The following OTOA variants were observed in gnomAD, a reference collection of about 807,000 sequenced individuals.
OTOA encodes otoancorin, also known as cancer/testis antigen 108.
OTOA carries 70 observed loss-of-function variants against 110.8 expected under a neutral mutation model. The observed-to-expected ratio is 0.63, with a 90% CI of 0.52 to 0.77. The LOEUF is 0.77. OTOA is among the 30% of genes least tolerant of loss of function. The pLI is 0.00. For missense variants in OTOA, 917 were observed against 1,075.8 expected (o/e 0.85, Z 2.06); for synonymous variants, 373 against 431.5 (o/e 0.86, Z 1.68).
chr16:21,743,178 CTT>C (rs1899536595), intron 23 of OTOA, among the ~76,000 whole-genome samples: 1 of 142,314 alleles, frequency 7.0e-6, no homozygotes, highest in South Asian at 2.6e-4. Flanking sequence ...TTACATAGCA[CTT>C]ATATTGCATC....
chr16:21,681,380 C>A (rs566930128), intron 5 of OTOA, among the ~76,000 whole-genome samples: 2 of 151,976 alleles, frequency 1.3e-5, no homozygotes, highest in South Asian at 4.2e-4. Context: ...TGCTTGAGCC[C>A]AGGAGTTTGA....
At chr16:21,670,594 C>T (rs1966847748) in intron 1 of OTOA, among the ~76,000 whole-genome samples, 1 of 152,168 alleles carries the variant, frequency 6.6e-6, no homozygotes, top group Non-Finnish European at 1.5e-5. Flanking sequence ...CTGCCTGGTT[C>T]ATTCCAACAC....
chr16:21,678,512 A>C lies in OTOA; in HGVS notation c.-3A>C. 1 of 1,611,768 alleles carries C rather than the reference A, an allele frequency of 6.2e-7. No individual in the cohort carries two copies. ...CTTCTATGCTTAAATTAACTACAGG[A>C]GAATGTCTCAGGAACCTACGACATA... On this transcript the variant is annotated splice_region_variant and 5_prime_UTR_variant, in exon 2 of 29. Coordinates refer to ENST00000646100, the MANE Select transcript of OTOA (RefSeq NM_144672.4).
intron 18 of OTOA, among the ~76,000 whole-genome samples, chr16:21,725,602 G>A (rs1898888631): frequency 6.6e-6 from 1 of 152,054 alleles, no homozygotes; most frequent in Non-Finnish European, 1.5e-5. Context: ...GAACAGATTG[G>A]GATAATGCTA....
At position 21,716,939 on chromosome 16, in the gene OTOA, C is replaced by T. The variant is rs140579035; in HGVS notation, c.1521C>T (p.Ile507=). 60 of 1,613,858 alleles carry T rather than the reference C, an allele frequency of 3.7e-5. No individual in the cohort carries two copies. The African/African-American group carries it at 6.0e-4, about 16-fold the overall frequency. Reference sequence around the variant, plus strand: ...AAGCGGAAGACACTGCCCCAGGCATCGTGGAGATACAAGGGGCTTTCTTTA... The same window carrying T: ...AAGCGGAAGACACTGCCCCAGGCATTGTGGAGATACAAGGGGCTTTCTTTA... ...MVQAEDTAPG[I]VEIQGAFFKE... Residue 507 remains isoleucine (I), a synonymous_variant, in exon 15 of 29, where the codon ATC becomes ATT. Transcript: ENST00000646100.
Position 21,760,486 on chromosome 16 carries a change from G to A in OTOA, c.3366G>A (p.Trp1122Ter). Residue 1122 changes from tryptophan (W) to a stop codon, truncating the protein, a stop_gained, in exon 29 of 29, where the codon TGG becomes TGA. Coordinates refer to ENST00000646100, the MANE Select transcript of OTOA (RefSeq NM_144672.4). LOFTEE classifies it high-confidence loss of function. ...SRSPAGALQSWGLWLGCPLLV... is the reference protein window; with the variant it reads ...SRSPAGALQS ...TGCTTTTAGGAGCTCTCCAGTCGTGGGGTCTTTGGCTTGGTTGTCCCCTGC... is the reference window on the plus strand; with the variant it reads ...TGCTTTTAGGAGCTCTCCAGTCGTGAGGTCTTTGGCTTGGTTGTCCCCTGC... The A allele has an allele frequency of 1.2e-6, 2 of 1,600,466 alleles. No homozygotes were observed. The highest frequency in any genetic ancestry group is 1.7e-6 in the Non-Finnish European group (2 of 1,172,220).
chr16:21,716,340 G>A (rs1898552107), intron 14 of OTOA, among the ~76,000 whole-genome samples: 1 of 152,178 alleles, frequency 6.6e-6, no homozygotes, highest in Non-Finnish European at 1.5e-5. Context: ...GGTAGGCCAA[G>A]GTGGGCGGAT....
intron 12 of OTOA, among the ~76,000 whole-genome samples, chr16:21,707,599 TTCTTTC>T (rs1898208563): frequency 1.7e-5 from 1 of 58,660 alleles, no homozygotes; most frequent in South Asian, 6.0e-4. Context: ...TTCCTTTTCT[TTCTTTC>T]TTTCTTTCTT....
chr16:21,724,128 G>A (rs147098879), intron 18 of OTOA, among the ~76,000 whole-genome samples: 1 of 152,252 alleles, frequency 6.6e-6, no homozygotes, highest in African/African-American at 2.4e-5. Context: ...GAACATGTTT[G>A]GGGGAAGATG....
At position 21,723,078 on chromosome 16, in the gene OTOA, C is replaced by A. The variant is rs1263483071; in HGVS notation, c.1880+100C>A. 52 of 1,275,644 alleles carry A rather than the reference C, an allele frequency of 4.1e-5. No homozygotes were observed. In the East Asian group the frequency reaches 1.2e-3, roughly 29 times the overall value. 79.0% of individuals were successfully genotyped at this position (1,275,644 alleles called of 1,614,324 possible). On this transcript the variant is annotated intron_variant, in intron 18 of 28. Transcript: ENST00000646100. The stretch of plus-strand genomic sequence containing the variant: ...CTCCCCACTGGGTTTTCTTCAGGAA[C>A]CAGAGGCAGAGTGGAGGATGCCTTA...
At chr16:21,681,599 G>GAAAAT in intron 5 of OTOA, 139 bp from the exon 6 acceptor site, 1 of 700,566 alleles carries the variant, frequency 1.4e-6, no homozygotes, top group South Asian at 1.6e-5. Flanking sequence ...GAAAAGAAAA[G>GAAAAT]AGAAACCTCC....
chr16:21,695,889 A>ATTTTTTTTTTT (rs1213474615), intron 9 of OTOA, among the ~76,000 whole-genome samples: 8 of 63,654 alleles, frequency 1.3e-4, no homozygotes, highest in Non-Finnish European at 1.8e-4. Context: ...ATATATATAT[A>ATTTTTTTTTTT]TATTTTTTTT....
intron 1 of OTOA, among the ~76,000 whole-genome samples, chr16:21,677,479 C>CTTTTTTTTTT (rs778223383): frequency 8.6e-6 from 1 of 116,922 alleles, no homozygotes; most frequent in Non-Finnish European, 1.7e-5. Context: ...AGCTTCATAT[C>CTTTTTTTTTT]TTTTTTTTTT....
At chr16:21,698,700 G>A (rs1597819783) in intron 10 of OTOA, among the ~76,000 whole-genome samples, 1 of 152,068 alleles carries the variant, frequency 6.6e-6, no homozygotes, top group Non-Finnish European at 1.5e-5. Context: ...CTTTTACCTA[G>A]GGGGCTGGGA....
intron 12 of OTOA, among the ~76,000 whole-genome samples, 159 bp from the exon 13 acceptor site, chr16:21,709,729 A>G (rs1041691626): frequency 3.3e-5 from 5 of 152,166 alleles, no homozygotes; most frequent in Non-Finnish European, 5.9e-5. Flanking sequence ...CTGTCTGGGC[A>G]TGGCAGGAGT....
chr16:21,679,148 T>C, intron 4 of OTOA, 36 bp from the exon 5 acceptor site: 1 of 1,613,792 alleles, frequency 6.2e-7, no homozygotes, highest in Non-Finnish European at 8.5e-7. Context: ...GAATGATTCC[T>C]TTTAAAGATG....
chr16:21,749,712 C>G, intron 24 of OTOA, among the ~76,000 whole-genome samples: 1 of 117,394 alleles, frequency 8.5e-6, no homozygotes, highest in Non-Finnish European at 1.7e-5. Flanking sequence ...GAGACAGAGT[C>G]TCCCTCTGTC....
At chr16:21,693,765 G>A (rs1278492768) in intron 9 of OTOA, among the ~76,000 whole-genome samples, 3 of 152,068 alleles carry the variant, frequency 2.0e-5, no homozygotes, top group Non-Finnish European at 4.4e-5. Flanking sequence ...TAGTAGAGAT[G>A]TGATTCCTCC....
chr16:21,759,405 T>G (rs539395524), intron 28 of OTOA, among the ~76,000 whole-genome samples: 4 of 152,242 alleles, frequency 2.6e-5, no homozygotes, highest in South Asian at 4.1e-4. Flanking sequence ...GTGCCATTGT[T>G]GGTTTTATGG....
Sources: allele counts gnomAD v4.1 joint callset (sites outside exome capture counted in the v4.1 genomes callset), GRCh38; gene constraint gnomAD v4.1.1; transcripts MANE v1.5; gene names NCBI Gene and HGNC (gene_info 2026-07-23, HGNC 2026-07-21).